The following GCDH variants were observed in gnomAD, a reference collection of about 807,000 sequenced individuals.
The protein encoded by GCDH is glutaryl-CoA dehydrogenase, mitochondrial.
In GCDH, 31 loss-of-function variants were observed where a neutral mutation model predicts 52.8. The observed-to-expected ratio is 0.59, with a 90% CI of 0.44 to 0.79. GCDH has a LOEUF of 0.79. Ranked by LOEUF, GCDH falls within the 30% of genes least tolerant of loss-of-function variation. The pLI is 0.00. For synonymous variants in GCDH, 242 were observed against 250.0 expected (o/e 0.97, Z 0.30); for missense variants, 509 against 595.0 (o/e 0.86, Z 1.50).
At chr19:12,898,194 G>T in intron 11 of GCDH, 1 of 404,064 alleles carries the variant, frequency 2.5e-6, no homozygotes, top group South Asian at 2.2e-5. Flanking sequence ...GCAGGCTGGT[G>T]GACGCAAGGG....
intron 11 of GCDH, 169 bp from the exon 12 acceptor site, chr19:12,899,299 C>T: frequency 6.4e-7 from 1 of 1,561,250 alleles, no homozygotes; most frequent in Admixed American, 1.7e-5. Context: ...TCACAGTCTT[C>T]TCCTGGAGAC....
rs549536607 is a variant in GCDH at position 12,896,807 on chromosome 19, G to A, written c.853-103G>A. 2.1e-5 allele frequency: 17 copies of A among 798,070 alleles called. No homozygotes were observed. Among genetic ancestry groups the A allele is most frequent in the South Asian group, 5.6e-5 (4 of 71,222 alleles). 49.4% of individuals were successfully genotyped at this position (798,070 alleles called of 1,614,324 possible). A position where few individuals can be genotyped will look rare whatever the true frequency, so the allele number is the denominator to read the frequency against. Reference sequence around the variant, plus strand: ...TGAACCACAACCTGAGTCCCCCTGCGTGGGGTGGCTGGGGAGGAGGCTTTC... The same window carrying A: ...TGAACCACAACCTGAGTCCCCCTGCATGGGGTGGCTGGGGAGGAGGCTTTC... On this transcript the variant is annotated intron_variant, in intron 8 of 11. Coordinates refer to ENST00000222214, the MANE Select transcript of GCDH (RefSeq NM_000159.4). This position sits in a 1 kb window ranked among gnomAD's most constrained non-coding sequence, Gnocchi z 5.5.
intron 6 of GCDH, among the ~76,000 whole-genome samples, 153 bp from the exon 7 acceptor site, chr19:12,895,839 G>A (rs1455221897): frequency 4.0e-5 from 6 of 149,204 alleles, no homozygotes; most frequent in African/African-American, 1.5e-4. Context: ...AGGCTGGTCT[G>A]GAACTCCTGA....
At position 12,899,732 on chromosome 19, in the gene GCDH, A is replaced by G. The variant is rs1047846106; in HGVS notation, c.*191A>G. 1.9e-6 allele frequency: 3 copies of G among 1,612,082 alleles called. No individual in the cohort carries two copies. The highest frequency in any genetic ancestry group is 2.5e-6 in the Non-Finnish European group (3 of 1,179,104). On this transcript the variant is annotated 3_prime_UTR_variant, in exon 12 of 12. Coordinates refer to ENST00000222214, the MANE Select transcript of GCDH (RefSeq NM_000159.4). ...GATGTGTTCCTTAAAAAGAAGATGGAATTCTCTGTAGAGCGTCTCAATCCA... is the reference window on the plus strand; with the variant it reads ...GATGTGTTCCTTAAAAAGAAGATGGGATTCTCTGTAGAGCGTCTCAATCCA...
At chr19:12,894,608 AAAAAGC>A (rs776406733) in intron 6 of GCDH, 1 of 681,292 alleles carries the variant, frequency 1.5e-6, no homozygotes, top group Non-Finnish European at 2.6e-6. Flanking sequence ...GTATGTTGTA[AAAAAGC>A]CCTTAAACAA....
At chr19:12,897,071 T>A in intron 9 of GCDH, 58 bp downstream of exon 9, 1 of 1,407,094 alleles carries the variant, frequency 7.1e-7, no homozygotes, top group Non-Finnish European at 1.0e-6. Flanking sequence ...GGTTTCACTC[T>A]CTATACCATG....
intron 1 of GCDH, 21 bp from the exon 2 acceptor site, chr19:12,891,250 C>G: frequency 2.0e-6 from 3 of 1,470,808 alleles, no homozygotes; most frequent in South Asian, 1.1e-5. Context: ...GAGCTCCGCT[C>G]TGACACCCCC....
rs780408127 is a variant in GCDH, at chr19:12,891,945, C to G, written c.242C>G (p.Pro81Arg). 3.7e-6 allele frequency: 6 copies of G among 1,614,140 alleles called. No homozygotes were observed. Among genetic ancestry groups the G allele is most frequent in the African/African-American group, 1.3e-5 (1 of 74,942 alleles). ...FRTYCQERLM[P>R]RILLANRNEV... Reference sequence around the variant, plus strand: ...ACCTACTGCCAGGAGAGACTCATGCCTCGCATCCTGTTGGCCAATCGCAAC... The same window carrying G: ...ACCTACTGCCAGGAGAGACTCATGCGTCGCATCCTGTTGGCCAATCGCAAC... Residue 81 changes from proline to arginine, a missense_variant, in exon 4 of 12, where the codon CCT becomes CGT. Pro to Arg is a moderately radical substitution (Grantham distance 103, BLOSUM62 -2). Transcript: ENST00000222214.
At position 12,899,902 on chromosome 19, in the gene GCDH, G is replaced by A. The variant is rs1332114910; in HGVS notation, c.*361G>A. On this transcript the variant is annotated 3_prime_UTR_variant, in exon 12 of 12. Transcript: ENST00000222214. ...GTGCGCCCTCCCTCCCTCCCATCTGGGGGTAGTGCCTTATGCTGGGTGTTG... is the reference window on the plus strand; with the variant it reads ...GTGCGCCCTCCCTCCCTCCCATCTGAGGGTAGTGCCTTATGCTGGGTGTTG... The A allele has an allele frequency of 9.3e-6, 15 of 1,604,772 alleles. No individual in the cohort carries two copies. The highest frequency in any genetic ancestry group is 1.2e-5 in the Non-Finnish European group (14 of 1,174,204).
chr19:12,891,881 C>G lies in GCDH; in HGVS notation c.178C>G (p.Leu60Val). 1.2e-6 allele frequency: 2 copies of G among 1,614,142 alleles called. No individual in the cohort carries two copies. The highest frequency in any genetic ancestry group is 1.1e-5 in the South Asian group (1 of 91,082). ...WQDPLVLEEQ[L>V]TTDEILIRDT... Reference sequence around the variant, plus strand: ...GGACCCGCTGGTGCTGGAGGAGCAGCTGACCACAGATGAGATCCTCATCAG... The same window carrying G: ...GGACCCGCTGGTGCTGGAGGAGCAGGTGACCACAGATGAGATCCTCATCAG... Residue 60 changes from leucine (L) to valine (V), a missense_variant, in exon 4 of 12, where the codon CTG becomes GTG. Coordinates refer to ENST00000222214, the MANE Select transcript of GCDH (RefSeq NM_000159.4).
At chr19:12,893,341 T>G (rs1599609996) in intron 5 of GCDH, 142 bp from the exon 6 acceptor site, 7 of 711,460 alleles carry the variant, frequency 9.8e-6, no homozygotes, top group Non-Finnish European at 2.5e-6. Context: ...AAAGTGGCTG[T>G]GGAGATGAAA....
At chr19:12,894,834 CCT>C (rs1970637521) in intron 6 of GCDH, 1 of 597,386 alleles carries the variant, frequency 1.7e-6, no homozygotes, top group Non-Finnish European at 2.8e-6. Flanking sequence ...CGCAGACTGT[CCT>C]CTCTGCGAGC....
At chr19:12,894,501 G>C in intron 6 of GCDH, 3 of 702,286 alleles carry the variant, frequency 4.3e-6, no homozygotes, top group Non-Finnish European at 7.9e-6. Flanking sequence ...GGTATTCCTG[G>C]ACTGACTGAG....
rs893311140 is a variant in GCDH at position 12,896,699 on chromosome 19, G to A, written c.853-211G>A. Among the ~76,000 whole-genome samples the A allele has an allele frequency of 6.6e-6, 1 of 152,154 alleles. No individual in the cohort carries two copies. The highest frequency in any genetic ancestry group is 2.4e-5 in the African/African-American group (1 of 41,434). The stretch of plus-strand genomic sequence containing the variant: ...CGTCAGCCTCCTGGCTCTGAGCATC[G>A]AACCCAGATGCCAGGCTGGGTGGGA... On this transcript the variant is annotated intron_variant, in intron 8 of 11. Transcript: ENST00000222214. This position sits in a 1 kb window ranked among gnomAD's most constrained non-coding sequence, Gnocchi z 5.5.
chr19:12,899,255 A>G, intron 11 of GCDH: 2 of 1,271,116 alleles, frequency 1.6e-6, no homozygotes, highest in South Asian at 2.4e-5. Flanking sequence ...AGAACCATGA[A>G]AAACAATTTC....
Position 12,893,778 on chromosome 19 carries a change from A to AC in GCDH, c.505+130dup, listed in dbSNP as rs1212180769. ...AAAGATAGCATAAGTGGCCACCTGG[A>AC]CCCCCGCCAGACCCTGGGCTTCACC... On this transcript the variant is annotated intron_variant, in intron 6 of 11. Transcript: ENST00000222214. 6 of 878,570 alleles carry AC rather than the reference A, an allele frequency of 6.8e-6. No homozygotes were observed. In the African/African-American group the frequency reaches 8.2e-5, roughly 12 times the overall value. The allele number at this position is 878,570 out of a possible 1,614,324, so 54.4% of individuals were successfully genotyped here. A position where few individuals can be genotyped will look rare whatever the true frequency, so the allele number is the denominator to read the frequency against.
In GCDH at chr19:12,898,222, G is replaced by A. The variant is rs1204215347; in HGVS notation, c.1243+359G>A. ...CGCAAGGGAGTGAGCGAAGCTACAC[G>A]CAGGAATCAACGCTCCATTTTGTTA... is the stretch of plus-strand genomic sequence containing the variant. On this transcript the variant is annotated intron_variant, in intron 11 of 11. Coordinates refer to ENST00000222214, the MANE Select transcript of GCDH (RefSeq NM_000159.4). The A allele has an allele frequency of 1.1e-5, 4 of 353,204 alleles. No homozygotes were observed. The East Asian group carries it at 2.0e-4, about 18-fold the overall frequency. 21.9% of individuals were successfully genotyped at this position (353,204 alleles called of 1,614,324 possible). A position where few individuals can be genotyped will look rare whatever the true frequency, so the allele number is the denominator to read the frequency against.
chr19:12,896,182 C>T lies in GCDH; in HGVS notation c.636-23C>T. 1.2e-6 allele frequency: 2 copies of T among 1,614,122 alleles called. No individual in the cohort carries two copies. Among genetic ancestry groups the T allele is most frequent in the Non-Finnish European group, 1.7e-6 (2 of 1,179,998 alleles). Reference sequence around the variant, plus strand: ...GGGCAAAGGGGCACTGGTCAGACCCCTCACCGACTGTTCCATCCCCAGGAT... The same window carrying T: ...GGGCAAAGGGGCACTGGTCAGACCCTTCACCGACTGTTCCATCCCCAGGAT... On this transcript the variant is annotated intron_variant, in intron 7 of 11. Transcript: ENST00000222214. This position sits in a 1 kb window ranked among gnomAD's most constrained non-coding sequence, Gnocchi z 5.5.
At chr19:12,898,084 G>T in intron 11 of GCDH, 1 of 573,992 alleles carries the variant, frequency 1.7e-6, no homozygotes, top group Non-Finnish European at 3.1e-6. Context: ...ATCAGGCCTT[G>T]CGAGGGGCTC....
Sources: allele counts gnomAD v4.1 joint callset (sites outside exome capture counted in the v4.1 genomes callset), GRCh38; gene constraint gnomAD v4.1.1; non-coding constraint Gnocchi (gnomAD v3.1); transcripts MANE v1.5; gene names NCBI Gene and HGNC (gene_info 2026-07-23, HGNC 2026-07-21).